The following HMBOX1 variants were observed in gnomAD, a reference collection of about 807,000 sequenced individuals.
The protein encoded by HMBOX1 is homeobox containing 1, also known as homeobox-containing protein 1.
Under a neutral mutation model 54.5 loss-of-function variants are expected in HMBOX1, and 14 were observed. The observed-to-expected ratio is 0.26, with a 90% confidence interval of 0.17 to 0.40. The LOEUF is 0.40. HMBOX1 is among the 10% of genes least tolerant of loss of function. The probability of loss-of-function intolerance (pLI) is 1.00; values close to 1 mark genes in which losing one functional copy is unlikely to be tolerated. For synonymous variants in HMBOX1, 160 were observed against 181.0 expected, an observed-to-expected ratio of 0.88 and a Z score of 0.93; for missense variants, 332 against 514.4, an observed-to-expected ratio of 0.65 and a Z score of 3.43.
At chr8:29,004,281 A>C (rs2132767035) in intron 4 of HMBOX1, among the ~76,000 whole-genome samples, 1 of 152,292 alleles carries the variant, frequency 6.6e-6, no homozygotes, top group African/African-American at 2.4e-5. Flanking sequence ...AATTGAGATG[A>C]CCAAAGGAAT....
intron 3 of HMBOX1, among the ~76,000 whole-genome samples, chr8:28,973,813 T>TTTTTTTTTTTTTTTTTTTTTG: frequency 2.9e-5 from 1 of 35,030 alleles, no homozygotes; most frequent in Middle Eastern, 0.013. Flanking sequence ...GTTTTTTTTT[T>TTTTTTTTTTTTTTTTTTTTTG]TTTTTTTTTT....
chr8:28,919,115 A>G (rs1817096439), intron 1 of HMBOX1, among the ~76,000 whole-genome samples: 1 of 152,346 alleles, frequency 6.6e-6, no homozygotes, highest in Non-Finnish European at 1.5e-5. Context: ...TTAACCCAGT[A>G]ACAGATACAG....
intron 5 of HMBOX1, among the ~76,000 whole-genome samples, chr8:29,011,366 C>T (rs561347932): frequency 6.6e-6 from 1 of 152,336 alleles, no homozygotes; most frequent in East Asian, 1.9e-4. Flanking sequence ...CAGATCTTTT[C>T]TTTGCAGTTT....
intron 1 of HMBOX1, among the ~76,000 whole-genome samples, chr8:28,946,360 G>A (rs1003107932): frequency 6.6e-6 from 1 of 151,842 alleles, no homozygotes. Context: ...CTTGAGGTCA[G>A]GAGTTTGAAA....
At chr8:28,932,827 C>T (rs1819691229) in intron 1 of HMBOX1, among the ~76,000 whole-genome samples, 1 of 152,180 alleles carries the variant, frequency 6.6e-6, no homozygotes, top group South Asian at 2.1e-4. Context: ...GCCTTAACTA[C>T]ATGTCTAACT....
intron 1 of HMBOX1, among the ~76,000 whole-genome samples, chr8:28,931,643 G>T (rs569808852): frequency 6.6e-6 from 1 of 152,190 alleles, no homozygotes; most frequent in East Asian, 1.9e-4. Flanking sequence ...CCAGGCCCAA[G>T]TGATCCTCCC....
chr8:29,030,353 G>A (rs1001703287), intron 6 of HMBOX1, among the ~76,000 whole-genome samples: 4 of 151,930 alleles, frequency 2.6e-5, no homozygotes, highest in Non-Finnish European at 5.9e-5. Flanking sequence ...GAGAAGCTGG[G>A]ATTACAGGCA....
intron 1 of HMBOX1, among the ~76,000 whole-genome samples, chr8:28,905,209 G>A (rs544786037): frequency 6.6e-6 from 1 of 152,184 alleles, no homozygotes; most frequent in African/African-American, 2.4e-5. Flanking sequence ...TTCCACATGA[G>A]CAGTAGGAAC....
At chr8:28,905,866 C>G (rs192279537) in intron 1 of HMBOX1, among the ~76,000 whole-genome samples, 1 of 152,212 alleles carries the variant, frequency 6.6e-6, no homozygotes, top group Admixed American at 6.5e-5. Context: ...CTTTAAAATA[C>G]TTAAACCCAG....
chr8:28,908,738 CCT>C (rs1297408161), intron 1 of HMBOX1, among the ~76,000 whole-genome samples: 1 of 152,022 alleles, frequency 6.6e-6, no homozygotes, highest in Non-Finnish European at 1.5e-5. Flanking sequence ...TGGACTCCAG[CCT>C]GGGCGACAGA....
intron 1 of HMBOX1, among the ~76,000 whole-genome samples, chr8:28,899,292 C>CA (rs1473301218): frequency 6.6e-6 from 1 of 152,150 alleles, no homozygotes; most frequent in Non-Finnish European, 1.5e-5. Context: ...TTGCTGCTAT[C>CA]AAAGACTATC....
At chr8:29,016,211 A>G (rs1834971378) in intron 5 of HMBOX1, among the ~76,000 whole-genome samples, 2 of 152,226 alleles carry the variant, frequency 1.3e-5, no homozygotes, top group Admixed American at 6.5e-5. Flanking sequence ...CAGACCAGAA[A>G]AAAATTGCAT....
chr8:28,998,549 A>G (rs1235653231), intron 4 of HMBOX1, among the ~76,000 whole-genome samples: 5 of 152,048 alleles, frequency 3.3e-5, no homozygotes. Flanking sequence ...TGAATCTGAA[A>G]TGTATCTCTT....
At chr8:28,958,394 A>AT (rs936035064) in intron 1 of HMBOX1, among the ~76,000 whole-genome samples, 1 of 151,966 alleles carries the variant, frequency 6.6e-6, no homozygotes, top group Non-Finnish European at 1.5e-5. Context: ...CTGTCTTACC[A>AT]TTTTTCCTGT....
chr8:29,019,036 A>G (rs1800766031), intron 6 of HMBOX1, 123 bp downstream of exon 6: 1 of 738,992 alleles, frequency 1.4e-6, no homozygotes, highest in Admixed American at 2.8e-5. Context: ...CTCTAAAAGT[A>G]CTTTAGAATA....
Position 28,971,148 on chromosome 8 carries a change from A to G in HMBOX1, c.500+629A>G, listed in dbSNP as rs558729970. ...CTCTGTATGCCCAGGCTGGAGTGCA[A>G]TGGCGTGATCTCGGCTCACCACAAT... is the stretch of plus-strand genomic sequence containing the variant. On this transcript the variant is annotated intron_variant, in intron 3 of 9. Transcript: ENST00000287701. Among the ~76,000 whole-genome samples the G allele has an allele frequency of 1.0e-4, 15 of 143,996 alleles. No individual in the cohort carries two copies. In the East Asian group the frequency reaches 2.7e-3, roughly 26 times the overall value. 94.5% of individuals were successfully genotyped at this position (143,996 alleles called of 152,430 possible).
chr8:28,996,134 G>A (rs554564416), intron 4 of HMBOX1, among the ~76,000 whole-genome samples: 15 of 151,466 alleles, frequency 9.9e-5, no homozygotes, highest in Non-Finnish European at 1.6e-4. Flanking sequence ...TTCATCTTCT[G>A]GGGTTATTCA....
At chr8:29,050,202 G>A (rs1408883964) in intron 9 of HMBOX1, 5 of 983,542 alleles carry the variant, frequency 5.1e-6, no homozygotes, top group Non-Finnish European at 6.0e-6. Flanking sequence ...TTTCCTTAAG[G>A]GACTTACCCT....
At position 28,945,766 on chromosome 8, in the gene HMBOX1, A is replaced by G. The variant is rs575604743; in HGVS notation, c.-57-18045A>G. ...ACATAAAGTATAAAGGCAGAATTTT[A>G]AGAGTCCATTATTCTCTGCCTTTCA... On this transcript the variant is annotated intron_variant, in intron 1 of 9. Coordinates refer to ENST00000287701, the MANE Select transcript of HMBOX1 (RefSeq NM_001135726.3). Among the ~76,000 whole-genome samples the G allele has an allele frequency of 8.5e-5, 13 of 152,198 alleles. No homozygotes were observed. In the East Asian group the frequency reaches 1.7e-3, roughly 20 times the overall value.
Sources: gnomAD v4.1 joint callset for allele counts (sites outside exome capture counted in the v4.1 genomes callset) on GRCh38, gnomAD v4.1.1 for gene constraint, MANE v1.5 for transcripts, NCBI Gene and HGNC (gene_info 2026-07-23, HGNC 2026-07-21) for gene names.